The following POFUT4 variants were observed in gnomAD, a reference collection of about 807,000 sequenced individuals.
POFUT4 encodes GDP-fucose protein O-fucosyltransferase 4.
the POFUT4 span, chr10:73,774,582 C>G: frequency 6.6e-6 from 1 of 152,120 alleles, no homozygotes; most frequent in Non-Finnish European, 1.5e-5. Flanking sequence ...TACCTGTAGT[C>G]CTGGCTACTT....
chr10:73,772,910 C>T, the POFUT4 span: 2 of 1,611,404 alleles, frequency 1.2e-6, no homozygotes, highest in Non-Finnish European at 1.7e-6. Flanking sequence ...TCTGCGCCGC[C>T]CGGTGCCTCC....
the POFUT4 span, chr10:73,772,578 G>A: frequency 6.3e-7 from 1 of 1,589,074 alleles, no homozygotes; most frequent in Non-Finnish European, 8.6e-7. Flanking sequence ...CTGTGGTGGA[G>A]CCCAGGGCTA....
At chr10:73,777,978 G>T in the POFUT4 span, among the ~76,000 whole-genome samples, 1 of 151,328 alleles carries the variant, frequency 6.6e-6, no homozygotes, top group Admixed American at 6.6e-5. Flanking sequence ...TCGTGTCTCA[G>T]CCTCCAGAGT....
chr10:73,776,915 G>A, the POFUT4 span, among the ~76,000 whole-genome samples: 39 of 152,174 alleles, frequency 2.6e-4, no homozygotes, highest in Non-Finnish European at 4.7e-4. Flanking sequence ...TCTTGACTTC[G>A]TGATCCGCCC....
the POFUT4 span, chr10:73,772,712 TTCC>T: frequency 1.9e-6 from 3 of 1,585,106 alleles, no homozygotes; most frequent in African/African-American, 4.0e-5. Context: ...CGGCACAGAC[TTCC>T]GCGCGTCGGC....
the POFUT4 span, among the ~76,000 whole-genome samples, chr10:73,776,706 G>C: frequency 6.6e-6 from 1 of 152,128 alleles, no homozygotes; most frequent in South Asian, 2.1e-4. Context: ...TATTAAGATG[G>C]AGTCTTGCTT....
chr10:73,773,555 C>G, the POFUT4 span: 1 of 1,614,262 alleles, frequency 6.2e-7, no homozygotes, highest in South Asian at 1.1e-5. Flanking sequence ...AACCTGGGGG[C>G]ATCACCAACC....
the POFUT4 span, among the ~76,000 whole-genome samples, chr10:73,778,612 A>G: frequency 6.6e-6 from 1 of 152,202 alleles, no homozygotes; most frequent in African/African-American, 2.4e-5. Context: ...ATCTATACCT[A>G]TATCTATATA....
the POFUT4 span, chr10:73,774,912 G>A: frequency 1.2e-5 from 2 of 162,932 alleles, no homozygotes; most frequent in African/African-American, 4.8e-5. Context: ...ATGGCCTATA[G>A]AAACCGACTT....
the POFUT4 span, chr10:73,773,759 C>A: frequency 6.2e-7 from 1 of 1,607,012 alleles, no homozygotes; most frequent in Admixed American, 1.7e-5. Context: ...CACACATGGA[C>A]TGCCCAGTGC....
At chr10:73,773,596 A>G in the POFUT4 span, 1 of 1,614,190 alleles carries the variant, frequency 6.2e-7, no homozygotes, top group Non-Finnish European at 8.5e-7. Context: ...AAGCATCGGG[A>G]GTGGGGAGTG....
At chr10:73,776,628 C>G in the POFUT4 span, among the ~76,000 whole-genome samples, 3 of 152,174 alleles carry the variant, frequency 2.0e-5, no homozygotes, top group Admixed American at 6.5e-5. Context: ...CTGCAATGAG[C>G]TATGATCATG....
the POFUT4 span, chr10:73,772,529 C>T: frequency 1.9e-6 from 3 of 1,564,414 alleles, no homozygotes; most frequent in South Asian, 1.2e-5. Flanking sequence ...TGGGACGCCG[C>T]GGCCAGGGAG....
the POFUT4 span, chr10:73,775,781 ACT>A: frequency 8.0e-7 from 1 of 1,256,072 alleles, no homozygotes; most frequent in Non-Finnish European, 1.1e-6. Context: ...CTTAATGAAC[ACT>A]GTCTTTTCAT....
chr10:73,777,863 C>CT, the POFUT4 span, among the ~76,000 whole-genome samples: 16,038 of 136,678 alleles, frequency 0.12, 986 homozygotes, highest in Middle Eastern at 0.19. Context: ...GTGCCCCCAC[C>CT]TTTTTTTTTT....
chr10:73,778,071 C>T, the POFUT4 span, among the ~76,000 whole-genome samples: 1 of 150,642 alleles, frequency 6.6e-6, no homozygotes, highest in Non-Finnish European at 1.5e-5. Context: ...GCCATGTTGG[C>T]CAGGCTGGTC....
the POFUT4 span, chr10:73,773,263 C>T: frequency 1.2e-6 from 2 of 1,613,922 alleles, no homozygotes; most frequent in Admixed American, 3.3e-5. Context: ...GCCACGGCCA[C>T]CACCGAGGAT....
the POFUT4 span, chr10:73,772,328 G>C: frequency 6.9e-7 from 1 of 1,444,034 alleles, no homozygotes; most frequent in East Asian, 2.7e-5. Flanking sequence ...GGCTGCCGGA[G>C]TGGACATGGC....
chr10:73,772,793 T>A, the POFUT4 span: 2 of 1,611,446 alleles, frequency 1.2e-6, no homozygotes, highest in Non-Finnish European at 8.5e-7. Flanking sequence ...CCTCAACAAC[T>A]TCTTGCTGAG....
Sources: allele counts gnomAD v4.1 joint callset (sites outside exome capture counted in the v4.1 genomes callset), GRCh38; gene constraint gnomAD v4.1.1; transcripts MANE v1.5; gene names NCBI Gene and HGNC (gene_info 2026-07-23, HGNC 2026-07-21).